GLIS1: variants seen among roughly 807,000 people sequenced by gnomAD.
GLIS1 encodes the protein GLIS family zinc finger 1, also known as zinc finger protein GLIS1.
GLIS1 carries 24 observed loss-of-function variants against 63.8 expected under a neutral mutation model. The ratio of observed to expected loss-of-function variants is 0.38; its 90% CI spans 0.27 to 0.53. GLIS1 has a LOEUF of 0.53. GLIS1 is among the 20% of genes least tolerant of loss of function. The pLI, the probability that GLIS1 is intolerant of heterozygous loss-of-function variation, is 0.85. For missense variants in GLIS1, 1,036 were observed against 1,074.1 expected, an observed-to-expected ratio of 0.96 and a Z score of 0.50; for synonymous variants, 450 against 482.5, an observed-to-expected ratio of 0.93 and a Z score of 0.88.
intron 3 of GLIS1, 96 bp from the exon 4 acceptor site, chr1:53,595,086 T>G: frequency 8.7e-7 from 1 of 1,143,852 alleles, no homozygotes; most frequent in Non-Finnish European, 1.2e-6. Flanking sequence ...GATCAAGGGA[T>G]GGACAAGCCC....
At chr1:53,524,194 G>T (rs1644439946) in intron 6 of GLIS1, among the ~76,000 whole-genome samples, 1 of 152,200 alleles carries the variant, frequency 6.6e-6, no homozygotes, top group Admixed American at 6.5e-5. Context: ...ACGTGCCTGG[G>T]TGCAGAGCCA....
rs1344566985 is a variant in GLIS1 at position 53,526,003 on chromosome 1, G to C, written c.1483-1116C>G. 6.6e-6 allele frequency among the ~76,000 whole-genome samples: 1 copy of C among 152,154 alleles called. No individual in the cohort carries two copies. Among genetic ancestry groups the C allele is most frequent in the Non-Finnish European group, 1.5e-5 (1 of 68,034 alleles). On this transcript the variant is annotated intron_variant, in intron 5 of 10. Coordinates refer to ENST00000628545, the MANE Select transcript of GLIS1 (RefSeq NM_001367484.1). The surrounding 1 kb of genome is among the most constrained non-coding windows in gnomAD (Gnocchi z 4.4). ...CTAATTGAATCCCAATCTCTCCCAA[G>C]GCTTCCACAGGACCCTGCTTGAGGA...
intron 6 of GLIS1, among the ~76,000 whole-genome samples, chr1:53,524,405 G>A (rs917228477): frequency 2.8e-4 from 43 of 152,212 alleles, no homozygotes; most frequent in African/African-American, 8.9e-4. Flanking sequence ...GTCTGCTGTC[G>A]CCTGCCAGGA....
At chr1:53,555,297 G>A (rs1644807128) in intron 4 of GLIS1, among the ~76,000 whole-genome samples, 2 of 152,162 alleles carry the variant, frequency 1.3e-5, no homozygotes, top group African/African-American at 2.4e-5. Context: ...TTGGGAGGCC[G>A]AGGCGGGCGG....
chr1:53,713,761 T>C (rs979145868), intron 2 of GLIS1, among the ~76,000 whole-genome samples: 1 of 151,920 alleles, frequency 6.6e-6, no homozygotes, highest in African/African-American at 2.4e-5. Context: ...AGACCCTACC[T>C]CAAAACAAGA....
At chr1:53,679,753 G>A (rs572346459) in intron 2 of GLIS1, among the ~76,000 whole-genome samples, 11 of 152,290 alleles carry the variant, frequency 7.2e-5, no homozygotes, top group Admixed American at 2.0e-4. Flanking sequence ...TGGCGCTGCC[G>A]GGAGGAGGGC....
At chr1:53,556,900 C>A (rs1167341994) in intron 4 of GLIS1, among the ~76,000 whole-genome samples, 2 of 133,396 alleles carry the variant, frequency 1.5e-5, no homozygotes, top group African/African-American at 5.9e-5. Flanking sequence ...TGCAGGTGTA[C>A]TGCAGGTATG....
At chr1:53,676,184 A>G (rs899000563) in intron 2 of GLIS1, among the ~76,000 whole-genome samples, 10 of 151,738 alleles carry the variant, frequency 6.6e-5, no homozygotes, top group African/African-American at 2.4e-4. Flanking sequence ...GGATGCAACA[A>G]TTGGGGATAC....
rs904418238 is a variant in GLIS1 at position 53,506,795 on chromosome 1, G to C, written c.2231-19C>G. 1 of 1,603,386 alleles carries C rather than the reference G, an allele frequency of 6.2e-7. No homozygotes were observed. Among genetic ancestry groups the C allele is most frequent in the African/African-American group, 1.3e-5 (1 of 74,892 alleles). On this transcript the variant is annotated intron_variant, in intron 10 of 10. Coordinates refer to ENST00000628545, the MANE Select transcript of GLIS1 (RefSeq NM_001367484.1). ...TCATAGCCTGTGAGTGGTTGGGAAA[G>C]GGTCAGCGCTGGAGGCAGCAGGGGC...
intron 2 of GLIS1, among the ~76,000 whole-genome samples, chr1:53,643,753 A>G (rs1645812523): frequency 6.6e-6 from 1 of 152,058 alleles, no homozygotes. Flanking sequence ...GGGTTAACTG[A>G]GAAGCCTGTG....
intron 2 of GLIS1, among the ~76,000 whole-genome samples, chr1:53,614,787 C>T (rs1187294975): frequency 7.1e-6 from 1 of 139,942 alleles, no homozygotes. Flanking sequence ...ATTGTTCTCT[C>T]ACACGCACAC....
rs1569852071 is a variant in GLIS1, at chr1:53,574,558, A to G, written c.1320+19550T>C. Among the ~76,000 whole-genome samples, 3 of 152,322 alleles carry G rather than the reference A, an allele frequency of 2.0e-5. No homozygotes were observed. Among genetic ancestry groups the G allele is most frequent in the Admixed American group, 1.3e-4 (2 of 15,310 alleles). On this transcript the variant is annotated intron_variant, in intron 4 of 10. Transcript: ENST00000628545. The surrounding 1 kb of genome is among the most constrained non-coding windows in gnomAD (Gnocchi z 4.2). The stretch of plus-strand genomic sequence containing the variant: ...GGAAACAGAAGCTTCAGAAAGGTAA[A>G]GTGACTTTCCCCCGGTCACACAGCA...
intron 2 of GLIS1, among the ~76,000 whole-genome samples, chr1:53,606,930 G>A (rs1045948463): frequency 2.0e-5 from 3 of 152,154 alleles, no homozygotes; most frequent in Non-Finnish European, 4.4e-5. Flanking sequence ...GGACGGCGCC[G>A]CGGAGACACC....
At chr1:53,662,470 G>A (rs550922477) in intron 2 of GLIS1, among the ~76,000 whole-genome samples, 33 of 152,184 alleles carry the variant, frequency 2.2e-4, no homozygotes, top group African/African-American at 3.4e-4. Context: ...TGATGATGGC[G>A]GCAAGGATGA....
chr1:53,728,100 A>G (rs1416581348), intron 2 of GLIS1, among the ~76,000 whole-genome samples: 1 of 152,122 alleles, frequency 6.6e-6, no homozygotes, highest in Non-Finnish European at 1.5e-5. Context: ...TTCAAGGATA[A>G]TGACACTCTG....
chr1:53,630,527 A>C, intron 2 of GLIS1, among the ~76,000 whole-genome samples: 2 of 148,014 alleles, frequency 1.4e-5, no homozygotes, highest in East Asian at 4.0e-4. Flanking sequence ...ACAGAGTCTC[A>C]CTCTGTTGCC....
chr1:53,663,706 C>T (rs1057066198), intron 2 of GLIS1, among the ~76,000 whole-genome samples: 1 of 152,128 alleles, frequency 6.6e-6, no homozygotes, highest in African/African-American at 2.4e-5. Flanking sequence ...CCAACTCTGG[C>T]ACTTCACTGG....
At chr1:53,698,117 G>A (rs564096851) in intron 2 of GLIS1, among the ~76,000 whole-genome samples, 4 of 108,854 alleles carry the variant, frequency 3.7e-5, no homozygotes, top group African/African-American at 1.4e-4. Flanking sequence ...CAAACAAACA[G>A]GAAACAATTA....
chr1:53,527,639 T>C (rs1644484623), intron 5 of GLIS1, among the ~76,000 whole-genome samples: 1 of 152,222 alleles, frequency 6.6e-6, no homozygotes, highest in African/African-American at 2.4e-5. Context: ...AGAGGTGAGC[T>C]AGGGACATGG....
Sources: allele counts gnomAD v4.1 joint callset (sites outside exome capture counted in the v4.1 genomes callset), GRCh38; gene constraint gnomAD v4.1.1; non-coding constraint Gnocchi (gnomAD v3.1); transcripts MANE v1.5; gene names NCBI Gene and HGNC (gene_info 2026-07-23, HGNC 2026-07-21).